RABGAP1L: variants seen among roughly 807,000 people sequenced by gnomAD.
RABGAP1L encodes the protein RAB GTPase activating protein 1 like.
A neutral mutation model predicts 137.7 loss-of-function variants in RABGAP1L; 63 were observed. The ratio of observed to expected loss-of-function variants is 0.46; its 90% CI spans 0.37 to 0.56. The LOEUF (loss-of-function observed/expected upper bound fraction) is 0.56. RABGAP1L is among the 20% of genes least tolerant of loss of function. The pLI, the probability that RABGAP1L is intolerant of heterozygous loss-of-function variation, is 0.00. For missense variants in RABGAP1L, 1,095 were observed against 1,244.0 expected (o/e 0.88, Z 1.80); for synonymous variants, 431 against 433.7 (o/e 0.99, Z 0.08).
At chr1:174,925,361 A>C (rs1247374203) in intron 19 of RABGAP1L, among the ~76,000 whole-genome samples, 1 of 148,452 alleles carries the variant, frequency 6.7e-6, no homozygotes, top group Non-Finnish European at 1.5e-5. Flanking sequence ...TCTCAAAAAA[A>C]AAAAAAAAAA....
rs920332251 is a variant in RABGAP1L, at chr1:174,239,294, G to C, written c.543-2189G>C. On this transcript the variant is annotated intron_variant, in intron 4 of 25. Transcript: ENST00000681986. ...TATTCGGCCATCTTGGCTCCTCTTC[G>C]ATAATTTGTTTACTTGCATTGTTAG... is the stretch of plus-strand genomic sequence containing the variant. 5.1e-4 allele frequency among the ~76,000 whole-genome samples: 78 copies of C among 152,026 alleles called. 2 individuals are homozygous for C. The highest frequency in any genetic ancestry group is 1.5e-5 in the Non-Finnish European group (1 of 67,992).
At chr1:174,622,973 A>G (rs928044825) in intron 13 of RABGAP1L, among the ~76,000 whole-genome samples, 1 of 152,184 alleles carries the variant, frequency 6.6e-6, no homozygotes, top group Non-Finnish European at 1.5e-5. Flanking sequence ...TATGAAAAGG[A>G]ATTTCCAAGA....
intron 14 of RABGAP1L, among the ~76,000 whole-genome samples, chr1:174,679,602 G>A (rs1327795460): frequency 6.6e-6 from 1 of 152,146 alleles, no homozygotes; most frequent in African/African-American, 2.4e-5. Flanking sequence ...CAGTGCAGTA[G>A]GGCAAGAAAA....
At chr1:174,799,201 A>G (rs1169967879) in intron 18 of RABGAP1L, among the ~76,000 whole-genome samples, 1 of 152,126 alleles carries the variant, frequency 6.6e-6, no homozygotes, top group Non-Finnish European at 1.5e-5. Flanking sequence ...GTTTACAAAA[A>G]TCTTCCTTTT....
At chr1:174,833,468 A>ATATATATATATATAT (rs1279866308) in intron 19 of RABGAP1L, among the ~76,000 whole-genome samples, 37 of 107,280 alleles carry the variant, frequency 3.4e-4, no homozygotes, top group Non-Finnish European at 5.5e-4. Flanking sequence ...ATATATATAT[A>ATATATATATATATAT]GTAGAGACAG....
intron 14 of RABGAP1L, among the ~76,000 whole-genome samples, chr1:174,667,554 T>C (rs868161847): frequency 1.3e-5 from 2 of 152,228 alleles, no homozygotes; most frequent in African/African-American, 4.8e-5. Flanking sequence ...ATAATAAATA[T>C]GTCAAGTTCT....
At chr1:174,605,044 G>A (rs1670681294) in intron 13 of RABGAP1L, among the ~76,000 whole-genome samples, 1 of 152,142 alleles carries the variant, frequency 6.6e-6, no homozygotes, top group African/African-American at 2.4e-5. Flanking sequence ...AGGTTGCTGA[G>A]GCAGGAGAAT....
At chr1:174,333,281 C>T (rs902483105) in intron 11 of RABGAP1L, among the ~76,000 whole-genome samples, 9 of 152,100 alleles carry the variant, frequency 5.9e-5, no homozygotes, top group Non-Finnish European at 7.4e-5. Flanking sequence ...CTAACTGTAA[C>T]GCATCGGATA....
At chr1:174,905,669 G>A (rs1306127133) in intron 19 of RABGAP1L, among the ~76,000 whole-genome samples, 2 of 152,072 alleles carry the variant, frequency 1.3e-5, no homozygotes, top group Non-Finnish European at 2.9e-5. Flanking sequence ...TGGCCAACGT[G>A]ATGAAACCTC....
At position 174,550,901 on chromosome 1, in the gene RABGAP1L, C is replaced by CATAT. The variant is rs1476748167; in HGVS notation, c.1711-86473_1711-86472insTATA. On this transcript the variant is annotated intron_variant, in intron 13 of 25. Transcript: ENST00000681986. ...ATATATATATATATATATATACACACACACATATACACACACACACATATA... is the reference window on the plus strand; with the variant it reads ...ATATATATATATATATATATACACACATATACACATATACACACACACACATATA... 7.8e-4 allele frequency among the ~76,000 whole-genome samples: 72 copies of CATAT among 92,162 alleles called. 2 individuals carry two copies. Among genetic ancestry groups the CATAT allele is most frequent in the African/African-American group, 4.6e-3 (69 of 15,058 alleles). 60.5% of individuals were successfully genotyped at this position (92,162 alleles called of 152,430 possible).
At chr1:174,639,652 T>G (rs535005308) in intron 14 of RABGAP1L, among the ~76,000 whole-genome samples, 25 of 152,222 alleles carry the variant, frequency 1.6e-4, no homozygotes, top group African/African-American at 6.0e-4. Context: ...AAACAGATGG[T>G]TCTAATGTGC....
intron 4 of RABGAP1L, among the ~76,000 whole-genome samples, chr1:174,238,527 G>A (rs528794257): frequency 2.8e-4 from 43 of 152,086 alleles, no homozygotes; most frequent in East Asian, 9.7e-4. Flanking sequence ...ATACCCTGCA[G>A]TGTGAGGTGT....
chr1:174,547,726 C>T lies in RABGAP1L; in HGVS notation c.1711-89649C>T, dbSNP rs186558175. 8.8e-6 allele frequency: 8 copies of T among 913,446 alleles called. No individual in the cohort carries two copies. The East Asian group carries it at 2.1e-4, about 24-fold the overall frequency. 56.6% of individuals were successfully genotyped at this position (913,446 alleles called of 1,614,324 possible). ...CTTTTAGACATGGGGAATTTATCTGCAAAGTTTGGATATGGAGTCATTGTA... is the reference window on the plus strand; with the variant it reads ...CTTTTAGACATGGGGAATTTATCTGTAAAGTTTGGATATGGAGTCATTGTA... On this transcript the variant is annotated intron_variant, in intron 13 of 25. Coordinates refer to ENST00000681986, the MANE Select transcript of RABGAP1L (RefSeq NM_001366446.1).
chr1:174,294,333 A>G (rs971590959), intron 10 of RABGAP1L, among the ~76,000 whole-genome samples: 1 of 152,222 alleles, frequency 6.6e-6, no homozygotes, highest in Non-Finnish European at 1.5e-5. Flanking sequence ...TGGATAGGTC[A>G]GGTGTTTGAA....
intron 19 of RABGAP1L, among the ~76,000 whole-genome samples, chr1:174,869,226 G>T (rs967177734): frequency 1.3e-5 from 2 of 152,104 alleles, no homozygotes; most frequent in Non-Finnish European, 2.9e-5. Flanking sequence ...TGATGACATG[G>T]TTTGGCTCTG....
At chr1:174,170,962 A>G (rs1571351875) in intron 1 of RABGAP1L, among the ~76,000 whole-genome samples, 1 of 152,364 alleles carries the variant, frequency 6.6e-6, no homozygotes, top group East Asian at 1.9e-4. Context: ...TAATGCTATA[A>G]AATAAGTTGA....
intron 13 of RABGAP1L, among the ~76,000 whole-genome samples, chr1:174,572,942 G>A (rs921092004): frequency 3.3e-5 from 5 of 151,654 alleles, no homozygotes; most frequent in Admixed American, 6.6e-5. Flanking sequence ...AGAAATGTTG[G>A]CAGTTAATTA....
chr1:174,245,366 C>G (rs998484477), intron 5 of RABGAP1L: 1 of 152,188 alleles, frequency 6.6e-6, no homozygotes, highest in Non-Finnish European at 1.5e-5. Flanking sequence ...GCCACCACAC[C>G]CAGTGGAGAA....
chr1:174,432,313 T>C (rs1652733392), intron 13 of RABGAP1L, among the ~76,000 whole-genome samples: 1 of 152,150 alleles, frequency 6.6e-6, no homozygotes, highest in Admixed American at 6.5e-5. Context: ...CTGTGTAGTA[T>C]CGCATGTTGT....
Sources: gnomAD v4.1 joint callset for allele counts (sites outside exome capture counted in the v4.1 genomes callset) on GRCh38, gnomAD v4.1.1 for gene constraint, MANE v1.5 for transcripts, NCBI Gene and HGNC (gene_info 2026-07-23, HGNC 2026-07-21) for gene names.